The following RAB7A variants were observed in gnomAD, a reference collection of about 807,000 sequenced individuals.
RAB7A encodes RAB7A, member RAS oncogene family, also known as ras-related protein Rab-7a.
Under a neutral mutation model 24.5 loss-of-function variants are expected in RAB7A, and 2 were observed. The observed-to-expected ratio is 0.08, with a 90% CI of 0.03 to 0.26. The LOEUF (loss-of-function observed/expected upper bound fraction) is 0.26. Ranked by LOEUF, RAB7A falls within the 10% of genes least tolerant of loss-of-function variation. The pLI, the probability that RAB7A is intolerant of heterozygous loss-of-function variation, is 1.00. For synonymous variants in RAB7A, 100 were observed against 95.9 expected (o/e 1.04, Z -0.25); for missense variants, 118 against 255.7 (o/e 0.46, Z 3.67).
At chr3:128,813,240 G>GC (rs1933964878) in intron 5 of RAB7A, 87 bp from the exon 6 acceptor site, 5 of 1,246,304 alleles carry the variant, frequency 4.0e-6, no homozygotes, top group Non-Finnish European at 5.9e-6. Context: ...GCAGAAGTGA[G>GC]CCCCTCCTGG....
At chr3:128,773,707 A>G (rs987226404) in intron 1 of RAB7A, among the ~76,000 whole-genome samples, 1 of 152,268 alleles carries the variant, frequency 6.6e-6, no homozygotes, top group Non-Finnish European at 1.5e-5. Flanking sequence ...CTGTGTAGAA[A>G]GAAGTAGACA....
intron 1 of RAB7A, among the ~76,000 whole-genome samples, chr3:128,747,817 G>C (rs1259010185): frequency 6.6e-6 from 1 of 151,216 alleles, no homozygotes; most frequent in Non-Finnish European, 1.5e-5. Context: ...TCCCAGGCTA[G>C]AGTGCAGTGG....
At chr3:128,783,579 C>T (rs553179318) in intron 1 of RAB7A, among the ~76,000 whole-genome samples, 18 of 152,218 alleles carry the variant, frequency 1.2e-4, no homozygotes, top group African/African-American at 3.1e-4. Context: ...CCTCACCTGG[C>T]TGCTTTTATG....
At chr3:128,798,820 TTAAAAAA>T (rs1161685415) in intron 3 of RAB7A, 5 of 167,888 alleles carry the variant, frequency 3.0e-5, no homozygotes, top group East Asian at 3.7e-4. Flanking sequence ...GTCTCTAAAT[TTAAAAAA>T]AAAAAAAAAA....
At chr3:128,778,069 A>C (rs1485677928) in intron 1 of RAB7A, among the ~76,000 whole-genome samples, 1 of 148,634 alleles carries the variant, frequency 6.7e-6, no homozygotes, top group Non-Finnish European at 1.5e-5. Context: ...TGTAGATATC[A>C]AGTAGTGAAA....
Position 128,813,459 on chromosome 3 carries a change from AC to A in RAB7A, c.*39del. The A allele has an allele frequency of 6.4e-7, 1 of 1,570,574 alleles. No individual in the cohort carries two copies. On this transcript the variant is annotated 3_prime_UTR_variant, in exon 6 of 6. Coordinates refer to ENST00000265062, the MANE Select transcript of RAB7A (RefSeq NM_004637.6). The stretch of plus-strand genomic sequence containing the variant: ...GAGTTGAGCACAGAGTCCTTCACAA[AC>A]CAAGAACACACGTAGGCCTTCAACA...
At chr3:128,759,544 G>T (rs2070760623) in intron 1 of RAB7A, among the ~76,000 whole-genome samples, 1 of 152,246 alleles carries the variant, frequency 6.6e-6, no homozygotes, top group Non-Finnish European at 1.5e-5. Flanking sequence ...CAGGAATGTA[G>T]CTTTTGAAAT....
intron 3 of RAB7A, among the ~76,000 whole-genome samples, chr3:128,803,627 A>C (rs1933742910): frequency 1.3e-5 from 2 of 152,234 alleles, no homozygotes; most frequent in African/African-American, 4.8e-5. Context: ...GCAGCCTTGC[A>C]TGGGGAGTGA....
intron 1 of RAB7A, among the ~76,000 whole-genome samples, chr3:128,758,341 C>T (rs1021934288): frequency 6.7e-6 from 1 of 148,768 alleles, no homozygotes; most frequent in Non-Finnish European, 1.5e-5. Context: ...GGCGCTATCT[C>T]GGCTCACTGC....
chr3:128,752,715 T>G (rs1191681088), intron 1 of RAB7A, among the ~76,000 whole-genome samples: 2 of 151,566 alleles, frequency 1.3e-5, no homozygotes, highest in Non-Finnish European at 2.9e-5. Context: ...TTTTCTCACT[T>G]TTGGTCTCAA....
chr3:128,811,857 A>G (rs1474364963), intron 5 of RAB7A, among the ~76,000 whole-genome samples: 3 of 152,102 alleles, frequency 2.0e-5, no homozygotes, highest in Non-Finnish European at 4.4e-5. Context: ...TCAAAAAAAA[A>G]AAAAGAAAGA....
chr3:128,763,188 T>TTATATATATA (rs765866649), intron 1 of RAB7A, among the ~76,000 whole-genome samples: 93 of 82,026 alleles, frequency 1.1e-3, no homozygotes, highest in African/African-American at 3.9e-3. Context: ...TACATTTAGC[T>TTATATATATA]TATATATATA....
intron 5 of RAB7A, among the ~76,000 whole-genome samples, chr3:128,812,348 C>A (rs765013493): frequency 1.2e-4 from 19 of 152,186 alleles, no homozygotes; most frequent in Non-Finnish European, 1.8e-4. Flanking sequence ...CTCCTGACTT[C>A]AGGTGGTCGA....
At chr3:128,740,145 C>G (rs6801103) in intron 1 of RAB7A, among the ~76,000 whole-genome samples, 5,918 of 152,194 alleles carry the variant, frequency 0.039, 210 homozygotes, top group South Asian at 0.13. Flanking sequence ...GGGAGGCCGC[C>G]GAGATGGGTG....
chr3:128,739,865 A>T (rs1004773661), intron 1 of RAB7A, among the ~76,000 whole-genome samples: 3 of 152,102 alleles, frequency 2.0e-5, no homozygotes, highest in Non-Finnish European at 4.4e-5. Context: ...AGGTCAGTTG[A>T]AGACCAGCGT....
At chr3:128,756,652 C>T (rs1360959432) in intron 1 of RAB7A, among the ~76,000 whole-genome samples, 1 of 151,946 alleles carries the variant, frequency 6.6e-6, no homozygotes, top group African/African-American at 2.4e-5. Context: ...TAGAAAAATC[C>T]ATCCTAACAT....
intron 1 of RAB7A, among the ~76,000 whole-genome samples, chr3:128,774,638 G>A (rs914688573): frequency 2.2e-4 from 34 of 152,102 alleles, no homozygotes; most frequent in African/African-American, 7.5e-4. Context: ...CAGTGGCACG[G>A]TCTTGGCTCA....
chr3:128,805,825 T>C (rs1933791247), intron 3 of RAB7A, among the ~76,000 whole-genome samples: 1 of 152,136 alleles, frequency 6.6e-6, no homozygotes, highest in East Asian at 1.9e-4. Flanking sequence ...GCTAATTTTG[T>C]ATTTATAGTA....
intron 1 of RAB7A, among the ~76,000 whole-genome samples, chr3:128,778,645 T>A (rs1933148155): frequency 6.6e-6 from 1 of 152,248 alleles, no homozygotes; most frequent in South Asian, 2.1e-4. Context: ...TCAGTCATCC[T>A]GTTTTTCTTC....
Sources: gnomAD v4.1 joint callset for allele counts (sites outside exome capture counted in the v4.1 genomes callset) on GRCh38, gnomAD v4.1.1 for gene constraint, MANE v1.5 for transcripts, NCBI Gene and HGNC (gene_info 2026-07-23, HGNC 2026-07-21) for gene names.